NALF1: variants seen among roughly 807,000 people sequenced by gnomAD.
The protein encoded by NALF1 is NALCN channel auxiliary factor 1, also known as family with sequence similarity 155 member A.
Under a neutral mutation model 48.4 loss-of-function variants are expected in NALF1, and 3 were observed. The observed-to-expected ratio is 0.06, with a 90% CI of 0.03 to 0.16. The LOEUF is 0.16. Among genes scored for constraint, NALF1 ranks in the 10% least tolerant of loss-of-function variants. The pLI is 1.00. For missense variants in NALF1, 526 were observed against 571.5 expected, an observed-to-expected ratio of 0.92 and a Z score of 0.81; for synonymous variants, 262 against 245.7, an observed-to-expected ratio of 1.07 and a Z score of -0.62.
At chr13:107,696,793 G>T (rs1248650695) in intron 1 of NALF1, among the ~76,000 whole-genome samples, 3 of 152,032 alleles carry the variant, frequency 2.0e-5, no homozygotes, top group African/African-American at 7.2e-5. Context: ...TGCATATCTT[G>T]CATGATTTTT....
intron 2 of NALF1, among the ~76,000 whole-genome samples, chr13:107,185,481 C>A (rs1879153170): frequency 7.1e-6 from 1 of 140,384 alleles, no homozygotes; most frequent in South Asian, 2.3e-4. Flanking sequence ...ATCTAGTGTT[C>A]TGGGTTATCC....
At chr13:107,304,976 T>C (rs1881907748) in intron 1 of NALF1, among the ~76,000 whole-genome samples, 1 of 152,220 alleles carries the variant, frequency 6.6e-6, no homozygotes, top group Non-Finnish European at 1.5e-5. Context: ...AATAACCAAA[T>C]GAGGTTTTTC....
At chr13:107,393,229 C>T (rs1284392537) in intron 1 of NALF1, among the ~76,000 whole-genome samples, 1 of 151,804 alleles carries the variant, frequency 6.6e-6, no homozygotes, top group Non-Finnish European at 1.5e-5. Context: ...GAAGAAGGTC[C>T]CTTAACTTCA....
chr13:107,174,602 G>A (rs549623926), intron 2 of NALF1, among the ~76,000 whole-genome samples: 3 of 152,100 alleles, frequency 2.0e-5, no homozygotes, highest in Admixed American at 6.5e-5. Flanking sequence ...TGATCCACCC[G>A]CCTCGGCCTC....
chr13:107,523,929 C>A (rs1876340880), intron 1 of NALF1, among the ~76,000 whole-genome samples: 1 of 151,976 alleles, frequency 6.6e-6, no homozygotes, highest in Admixed American at 6.6e-5. Context: ...TTTATATCAA[C>A]AAATGTAAAT....
At chr13:107,642,892 T>A (rs1018421714) in intron 1 of NALF1, among the ~76,000 whole-genome samples, 1 of 152,194 alleles carries the variant, frequency 6.6e-6, no homozygotes, top group African/African-American at 2.4e-5. Context: ...GCTCTTAAAT[T>A]GGCTGTTTCA....
intron 1 of NALF1, among the ~76,000 whole-genome samples, chr13:107,820,321 C>T (rs915249227): frequency 1.3e-4 from 20 of 152,178 alleles, no homozygotes; most frequent in African/African-American, 4.6e-4. Context: ...CAGCTGGACT[C>T]GTTGCTAACC....
At chr13:107,592,850 T>G (rs1475258485) in intron 1 of NALF1, among the ~76,000 whole-genome samples, 1 of 151,918 alleles carries the variant, frequency 6.6e-6, no homozygotes, top group Non-Finnish European at 1.5e-5. Flanking sequence ...AAATCCTCTC[T>G]GGATGCAAAT....
intron 1 of NALF1, among the ~76,000 whole-genome samples, chr13:107,245,253 A>T (rs1880557277): frequency 6.6e-6 from 1 of 152,238 alleles, no homozygotes; most frequent in Non-Finnish European, 1.5e-5. Flanking sequence ...AATGAAAAGC[A>T]TGGTTTTCAC....
intron 1 of NALF1, among the ~76,000 whole-genome samples, chr13:107,848,095 A>T (rs1880217740): frequency 6.6e-6 from 1 of 152,192 alleles, no homozygotes; most frequent in African/African-American, 2.4e-5. Flanking sequence ...AGGATAATTC[A>T]TTGTTTGCCA....
chr13:107,482,452 T>C, intron 1 of NALF1, among the ~76,000 whole-genome samples: 1 of 152,140 alleles, frequency 6.6e-6, no homozygotes, highest in East Asian at 1.9e-4. Flanking sequence ...CAATTTATAA[T>C]ATGCTTCCAT....
Position 107,166,432 on chromosome 13 carries a change from A to C in NALF1, c.*4065T>G, listed in dbSNP as rs950410548. ...AAGATGCCATCTCAAAAAACAAACA[A>C]ACACACAGAAAAGAAATTAAATACC... On this transcript the variant is annotated 3_prime_UTR_variant, in exon 3 of 3. Transcript: ENST00000375915. 3.9e-5 allele frequency: 6 copies of C among 152,204 alleles called. No homozygotes were observed. The highest frequency in any genetic ancestry group is 5.9e-5 in the Non-Finnish European group (4 of 68,040). The allele number at this position is 152,204 out of a possible 1,614,324, so 9.4% of individuals were successfully genotyped here.
At chr13:107,856,842 C>A (rs1051934818) in intron 1 of NALF1, among the ~76,000 whole-genome samples, 2 of 152,158 alleles carry the variant, frequency 1.3e-5, no homozygotes, top group Non-Finnish European at 2.9e-5. Context: ...CAGCTCCCAT[C>A]CCATTTGTAC....
chr13:107,476,326 A>G (rs1885176883), intron 1 of NALF1, among the ~76,000 whole-genome samples: 1 of 152,140 alleles, frequency 6.6e-6, no homozygotes, highest in Non-Finnish European at 1.5e-5. Flanking sequence ...AAGAGTTATG[A>G]TACAAAGCTT....
intron 1 of NALF1, among the ~76,000 whole-genome samples, chr13:107,458,980 T>C (rs557539876): frequency 1.1e-4 from 16 of 152,072 alleles, no homozygotes; most frequent in African/African-American, 3.6e-4. Context: ...TCTGTTATAA[T>C]TGACGACCTT....
At position 107,749,261 on chromosome 13, in the gene NALF1, A is replaced by G. The variant is rs1014822797; in HGVS notation, c.915+116421T>C. 3.9e-5 allele frequency among the ~76,000 whole-genome samples: 6 copies of G among 151,998 alleles called. No homozygotes were observed. The South Asian group carries it at 1.2e-3, about 32-fold the overall frequency. ...TTTTGAAATTTCTGCATTTTAAGGC[A>G]GTTTTCTCTTAGTAAAATGCAAAGG... On this transcript the variant is annotated intron_variant, in intron 1 of 2. Transcript: ENST00000375915.
intron 1 of NALF1, among the ~76,000 whole-genome samples, chr13:107,503,041 G>A (rs780868265): frequency 2.6e-5 from 4 of 152,052 alleles, no homozygotes; most frequent in Non-Finnish European, 4.4e-5. Flanking sequence ...CCAGCAGACT[G>A]GTTATGTTTA....
intron 1 of NALF1, among the ~76,000 whole-genome samples, chr13:107,789,960 G>A (rs746637593): frequency 1.3e-5 from 2 of 152,140 alleles, no homozygotes; most frequent in African/African-American, 2.4e-5. Context: ...GTGCTATTCA[G>A]GACTCATTCA....
At chr13:107,628,078 C>T (rs1238510279) in intron 1 of NALF1, among the ~76,000 whole-genome samples, 5 of 152,110 alleles carry the variant, frequency 3.3e-5, no homozygotes, top group Admixed American at 1.3e-4. Flanking sequence ...CATTCTCTGT[C>T]TTCAATGACA....
Sources: allele counts gnomAD v4.1 joint callset (sites outside exome capture counted in the v4.1 genomes callset), GRCh38; gene constraint gnomAD v4.1.1; transcripts MANE v1.5; gene names NCBI Gene and HGNC (gene_info 2026-07-23, HGNC 2026-07-21).